Variants in GXYLT2 observed in about 807,000 individuals in gnomAD.
GXYLT2 encodes glucoside xylosyltransferase 2.
Under a neutral mutation model 45.8 loss-of-function variants are expected in GXYLT2, and 53 were observed. That is an observed-to-expected ratio of 1.16 (90% CI 0.93 to 1.46). The LOEUF (loss-of-function observed/expected upper bound fraction) is 1.46. Among genes scored for constraint, GXYLT2 ranks in the 40% most tolerant of loss-of-function variants. The pLI, the probability that GXYLT2 is intolerant of heterozygous loss-of-function variation, is 0.00. For synonymous variants in GXYLT2, 219 were observed against 214.2 expected, an observed-to-expected ratio of 1.02 and a Z score of -0.19; for missense variants, 551 against 544.4, an observed-to-expected ratio of 1.01 and a Z score of -0.12.
At chr3:72,929,246 A>G in intron 3 of GXYLT2, 1 of 1,535,002 alleles carries the variant, frequency 6.5e-7, no homozygotes, top group Non-Finnish European at 8.9e-7. Context: ...ACATGCCGAG[A>G]AACTGATGAC....
chr3:72,914,509 A>G (rs149302404), intron 2 of GXYLT2, among the ~76,000 whole-genome samples: 135 of 150,036 alleles, frequency 9.0e-4, no homozygotes, highest in African/African-American at 2.5e-3. Context: ...GTTTTTATAT[A>G]TATATATTTA....
At chr3:72,956,251 A>G (rs1395797746) in intron 4 of GXYLT2, among the ~76,000 whole-genome samples, 1 of 152,144 alleles carries the variant, frequency 6.6e-6, no homozygotes, top group Non-Finnish European at 1.5e-5. Context: ...TAAAAAAAGA[A>G]AGAAAGAAAG....
chr3:72,940,733 G>A (rs1384792206), intron 3 of GXYLT2, among the ~76,000 whole-genome samples: 5 of 152,202 alleles, frequency 3.3e-5, no homozygotes, highest in African/African-American at 1.2e-4. Flanking sequence ...CCAGGCTAGA[G>A]TGCAGTGGTG....
intron 3 of GXYLT2, among the ~76,000 whole-genome samples, chr3:72,953,771 G>A (rs1357610863): frequency 6.6e-6 from 1 of 152,116 alleles, no homozygotes; most frequent in Non-Finnish European, 1.5e-5. Flanking sequence ...GACTTGCATT[G>A]CCTAATCCCA....
intron 3 of GXYLT2, among the ~76,000 whole-genome samples, chr3:72,940,826 C>T (rs1710283465): frequency 1.3e-5 from 2 of 152,076 alleles, no homozygotes; most frequent in African/African-American, 4.8e-5. Context: ...GAATTACCCA[C>T]CCAAACTACC....
chr3:72,921,968 T>C lies in GXYLT2; in HGVS notation c.469-236T>C, dbSNP rs1205977766. On this transcript the variant is annotated intron_variant, in intron 2 of 6. Coordinates refer to ENST00000389617, the MANE Select transcript of GXYLT2 (RefSeq NM_001080393.2). ...TTTGGAAGTTTGTTCAAATCTATAC[T>C]CCCCTCTGCAGTTTCTCAACACTGT... is the stretch of plus-strand genomic sequence containing the variant. Among the ~76,000 whole-genome samples the C allele has an allele frequency of 2.0e-5, 3 of 152,288 alleles. No individual in the cohort carries two copies. The East Asian group carries it at 5.8e-4, about 29-fold the overall frequency.
At chr3:72,938,580 G>A (rs904857999) in intron 3 of GXYLT2, among the ~76,000 whole-genome samples, 3 of 152,188 alleles carry the variant, frequency 2.0e-5, no homozygotes, top group East Asian at 3.9e-4. Context: ...CATGGCTAAC[G>A]GAATGTCTAC....
At chr3:72,898,650 G>C (rs1270634966) in intron 1 of GXYLT2, among the ~76,000 whole-genome samples, 1 of 152,202 alleles carries the variant, frequency 6.6e-6, no homozygotes. Flanking sequence ...GAGCACCCGG[G>C]GAGGCATGGG....
At chr3:72,922,387 A>G in intron 3 of GXYLT2, 52 bp downstream of exon 3, 1 of 1,567,212 alleles carries the variant, frequency 6.4e-7, no homozygotes, top group Non-Finnish European at 8.7e-7. Context: ...AAATAAGGTA[A>G]AATTAGCTGA....
intron 3 of GXYLT2, among the ~76,000 whole-genome samples, chr3:72,954,578 G>A (rs975942849): frequency 6.6e-6 from 1 of 151,030 alleles, no homozygotes; most frequent in Non-Finnish European, 1.5e-5. Context: ...TCAGGTTGCA[G>A]TAAGCCAAGA....
At chr3:72,903,607 G>A (rs1008819650) in intron 1 of GXYLT2, among the ~76,000 whole-genome samples, 2 of 152,172 alleles carry the variant, frequency 1.3e-5, no homozygotes, top group African/African-American at 4.8e-5. Context: ...AAACACTGCA[G>A]ATGATTATGA....
chr3:72,919,856 A>G lies in GXYLT2; in HGVS notation c.469-2348A>G, dbSNP rs138939648. 3.5e-3 allele frequency among the ~76,000 whole-genome samples: 532 copies of G among 152,322 alleles called. 1 individual carries two copies. Among genetic ancestry groups the G allele is most frequent in the African/African-American group, 0.012 (510 of 41,582 alleles). ...TGACACTGTTCTGTATACTGTAATG[A>G]TAGATACATGATGTGCATTTGCCAA... On this transcript the variant is annotated intron_variant, in intron 2 of 6. Transcript: ENST00000389617.
intron 3 of GXYLT2, among the ~76,000 whole-genome samples, chr3:72,949,783 G>A (rs2107135267): frequency 6.6e-6 from 1 of 152,000 alleles, no homozygotes; most frequent in South Asian, 2.1e-4. Context: ...AAAGTGCTGG[G>A]ACTACAGGTG....
intron 3 of GXYLT2, among the ~76,000 whole-genome samples, chr3:72,946,276 GAAAAAAAAAAAAAAAAA>G (rs57450041): frequency 5.0e-5 from 3 of 59,486 alleles, no homozygotes; most frequent in African/African-American, 1.5e-4. Context: ...GACCCTGTCT[GAAAAAAAAAAAAAAAAA>G]AAAAAAAAAA....
chr3:72,905,064 C>CAAAAA (rs1177216917), intron 1 of GXYLT2, among the ~76,000 whole-genome samples: 1 of 36,228 alleles, frequency 2.8e-5, no homozygotes, highest in Non-Finnish European at 6.8e-5. Flanking sequence ...GATTCTGTCT[C>CAAAAA]AAAAAAAAAA....
intron 1 of GXYLT2, among the ~76,000 whole-genome samples, chr3:72,903,713 A>C (rs1286580208): frequency 6.6e-6 from 1 of 152,212 alleles, no homozygotes; most frequent in Non-Finnish European, 1.5e-5. Flanking sequence ...GGTAAGGGTC[A>C]TAGCAGTGAG....
intron 1 of GXYLT2, among the ~76,000 whole-genome samples, chr3:72,896,227 T>C (rs1260742194): frequency 1.3e-5 from 2 of 152,222 alleles, no homozygotes; most frequent in African/African-American, 4.8e-5. Flanking sequence ...GGTAAAGTGC[T>C]GACACCGAAC....
intron 2 of GXYLT2, among the ~76,000 whole-genome samples, chr3:72,912,341 G>A (rs914632662): frequency 5.3e-5 from 8 of 151,728 alleles, no homozygotes; most frequent in African/African-American, 7.3e-5. Flanking sequence ...GTAGAGATGC[G>A]GTCTCCCTAT....
At chr3:72,899,330 A>G (rs1304278282) in intron 1 of GXYLT2, among the ~76,000 whole-genome samples, 1 of 152,182 alleles carries the variant, frequency 6.6e-6, no homozygotes, top group African/African-American at 2.4e-5. Context: ...ATTAATAACT[A>G]AATGCATTTA....
Sources: gnomAD v4.1 joint callset for allele counts (sites outside exome capture counted in the v4.1 genomes callset) on GRCh38, gnomAD v4.1.1 for gene constraint, MANE v1.5 for transcripts, NCBI Gene and HGNC (gene_info 2026-07-23, HGNC 2026-07-21) for gene names.